The following AFAP1 variants were observed in gnomAD, a reference collection of about 807,000 sequenced individuals.
AFAP1 encodes the protein actin filament-associated protein 1.
A neutral mutation model predicts 93.9 loss-of-function variants in AFAP1; 75 were observed. The ratio of observed to expected loss-of-function variants is 0.80; its 90% CI spans 0.66 to 0.97. AFAP1 has a LOEUF of 0.97. AFAP1 is among the 50% of genes least tolerant of loss of function. The pLI is 0.00. For synonymous variants in AFAP1, 517 were observed against 430.7 expected (o/e 1.20, Z -2.48); for missense variants, 1,201 against 1,050.8 (o/e 1.14, Z -1.98).
intron 12 of AFAP1, 98 bp from the exon 13 acceptor site, chr4:7,781,725 A>T: frequency 6.9e-7 from 1 of 1,457,966 alleles, no homozygotes. Context: ...GGCATTTAGC[A>T]TACATTGGCA....
intron 17 of AFAP1, among the ~76,000 whole-genome samples, chr4:7,767,900 C>A (rs1053783545): frequency 2.0e-5 from 3 of 152,206 alleles, no homozygotes; most frequent in African/African-American, 7.2e-5. Flanking sequence ...ACTGGCCAAA[C>A]CTCATCTCTA....
intron 9 of AFAP1, among the ~76,000 whole-genome samples, chr4:7,802,378 G>A (rs1439264707): frequency 6.6e-6 from 1 of 152,206 alleles, no homozygotes; most frequent in Non-Finnish European, 1.5e-5. Flanking sequence ...ACACTTAGGA[G>A]GGCTGCAGGG....
intron 1 of AFAP1, among the ~76,000 whole-genome samples, chr4:7,936,137 A>G (rs1195566041): frequency 6.6e-6 from 1 of 152,192 alleles, no homozygotes; most frequent in African/African-American, 2.4e-5. Context: ...GTAATTCAGT[A>G]GCTCACGACT....
chr4:7,842,953 G>A (rs569796779), intron 5 of AFAP1, 186 bp downstream of exon 5: 221 of 608,450 alleles, frequency 3.6e-4, no homozygotes, highest in African/African-American at 1.8e-3. Context: ...CACACAACAC[G>A]GGCGAGTGCT....
At chr4:7,856,267 G>C (rs547439466) in intron 3 of AFAP1, among the ~76,000 whole-genome samples, 2 of 151,282 alleles carry the variant, frequency 1.3e-5, no homozygotes, top group Admixed American at 6.6e-5. Flanking sequence ...TTTTGAGTTG[G>C]AGTCTTGCTT....
intron 17 of AFAP1, 130 bp from the exon 18 acceptor site, chr4:7,763,921 G>T: frequency 1.2e-6 from 1 of 836,112 alleles, no homozygotes; most frequent in Non-Finnish European, 2.0e-6. Flanking sequence ...CAGAATCAAT[G>T]ACCAATGACC....
Position 7,849,959 on chromosome 4 carries a change from G to C in AFAP1, c.334+5507C>G, listed in dbSNP as rs80312803. On this transcript the variant is annotated intron_variant, in intron 4 of 17. Coordinates refer to ENST00000420658, the MANE Select transcript of AFAP1 (RefSeq NM_001134647.2). The stretch of plus-strand genomic sequence containing the variant: ...CATGTAAAAGGGGCTGGGGATGGGG[G>C]GTGGAGGGCAGTGAGCAGGGGAGGA... Among the ~76,000 whole-genome samples the C allele has an allele frequency of 4.8e-3, 737 of 152,232 alleles. 4 individuals carry two copies. Among genetic ancestry groups the C allele is most frequent in the African/African-American group, 0.015 (638 of 41,538 alleles).
chr4:7,864,055 CT>C (rs1716085124), intron 3 of AFAP1, among the ~76,000 whole-genome samples: 1 of 152,200 alleles, frequency 6.6e-6, no homozygotes, highest in East Asian at 1.9e-4. Flanking sequence ...CCATTCCCAA[CT>C]TCCCATCACA....
At chr4:7,917,751 G>A (rs1316981449) in intron 1 of AFAP1, among the ~76,000 whole-genome samples, 1 of 152,148 alleles carries the variant, frequency 6.6e-6, no homozygotes, top group Non-Finnish European at 1.5e-5. Context: ...CCACCAAGGA[G>A]TTTGGAACCA....
chr4:7,819,753 C>A (rs1720802719), intron 6 of AFAP1, among the ~76,000 whole-genome samples: 1 of 152,132 alleles, frequency 6.6e-6, no homozygotes, highest in African/African-American at 2.4e-5. Context: ...AGACTTCAGG[C>A]CCAGGAGAAG....
rs141691826 is a variant in AFAP1, at chr4:7,877,969, C to G, written c.-2-5889G>C. Among the ~76,000 whole-genome samples the G allele has an allele frequency of 1.7e-4, 26 of 152,220 alleles. No individual in the cohort carries two copies. The South Asian group carries it at 5.2e-3, about 30-fold the overall frequency. On this transcript the variant is annotated intron_variant, in intron 1 of 17. Transcript: ENST00000420658. Reference sequence around the variant, plus strand: ...CTGTATCTCTGCTGGTGCCTGACTACGTTCAACATAAACCAAGTGCTCAGA... The same window carrying G: ...CTGTATCTCTGCTGGTGCCTGACTAGGTTCAACATAAACCAAGTGCTCAGA...
chr4:7,792,489 A>T (rs927666162), intron 11 of AFAP1, among the ~76,000 whole-genome samples: 1 of 152,206 alleles, frequency 6.6e-6, no homozygotes, highest in Non-Finnish European at 1.5e-5. Flanking sequence ...AGCAACAAAT[A>T]CTGCCAACTG....
At chr4:7,820,037 GACA>G (rs1282520361) in intron 6 of AFAP1, among the ~76,000 whole-genome samples, 1 of 152,308 alleles carries the variant, frequency 6.6e-6, no homozygotes, top group South Asian at 2.1e-4. Flanking sequence ...ATTATACAGG[GACA>G]ACAACAACGA....
rs797017163 is a variant in AFAP1, at chr4:7,846,530, C to A, written c.335-3180G>T. ...CATAGCGGCCTGGAGGACCACACAG[C>A]CCTCAGGGCTCGGCCCACTTGCTGG... On this transcript the variant is annotated intron_variant, in intron 4 of 17. Transcript: ENST00000420658. Among the ~76,000 whole-genome samples, 72 of 152,216 alleles carry A rather than the reference C, an allele frequency of 4.7e-4. 1 individual carries two copies. Among genetic ancestry groups the A allele is most frequent in the African/African-American group, 1.7e-3 (70 of 41,480 alleles).
At chr4:7,883,468 A>T (rs372166072) in intron 1 of AFAP1, among the ~76,000 whole-genome samples, 1 of 152,196 alleles carries the variant, frequency 6.6e-6, no homozygotes. Context: ...AATTCCCAGT[A>T]GGGTCAGAAA....
At chr4:7,915,428 A>G (rs1360692090) in intron 1 of AFAP1, among the ~76,000 whole-genome samples, 1 of 152,012 alleles carries the variant, frequency 6.6e-6, no homozygotes, top group African/African-American at 2.4e-5. Context: ...CTGAGAAAGC[A>G]GGACTGCTTG....
At chr4:7,818,627 C>T (rs1429532986) in intron 7 of AFAP1, among the ~76,000 whole-genome samples, 4 of 152,204 alleles carry the variant, frequency 2.6e-5, no homozygotes, top group Admixed American at 2.0e-4. Context: ...GATGACAGGC[C>T]ATCCCCGCCC....
chr4:7,803,261 A>C (rs1719215404), intron 9 of AFAP1, among the ~76,000 whole-genome samples: 1 of 152,230 alleles, frequency 6.6e-6, no homozygotes, highest in Non-Finnish European at 1.5e-5. Context: ...TGGCTTCTGA[A>C]AAGGAGCAGT....
At chr4:7,916,225 G>C (rs1371230727) in intron 1 of AFAP1, among the ~76,000 whole-genome samples, 1 of 152,190 alleles carries the variant, frequency 6.6e-6, no homozygotes, top group East Asian at 1.9e-4. Flanking sequence ...TAAATACTTG[G>C]TGGCAAAAAC....
Sources: allele counts gnomAD v4.1 joint callset (sites outside exome capture counted in the v4.1 genomes callset), GRCh38; gene constraint gnomAD v4.1.1; transcripts MANE v1.5; gene names NCBI Gene and HGNC (gene_info 2026-07-23, HGNC 2026-07-21).